KLHL31: variants seen among roughly 807,000 people sequenced by gnomAD.
The protein encoded by KLHL31 is kelch-like protein 31.
A neutral mutation model predicts 47.1 loss-of-function variants in KLHL31; 32 were observed. The observed-to-expected ratio is 0.68, with a 90% CI of 0.51 to 0.91. The LOEUF is 0.91. KLHL31 is among the 40% of genes least tolerant of loss of function. The pLI is 0.00. For synonymous variants in KLHL31, 330 were observed against 325.1 expected, an observed-to-expected ratio of 1.01 and a Z score of -0.16; for missense variants, 797 against 819.3, an observed-to-expected ratio of 0.97 and a Z score of 0.33.
intron 1 of KLHL31, among the ~76,000 whole-genome samples, chr6:53,660,181 C>A (rs979250782): frequency 1.3e-5 from 2 of 151,806 alleles, no homozygotes; most frequent in African/African-American, 2.4e-5. Flanking sequence ...ATCAGAGTAG[C>A]CTTTGTAGAA....
Position 53,654,636 on chromosome 6 carries a change from A to C in KLHL31, c.637T>G (p.Phe213Val). ...ATAAGAAGTTCATTAATTTGTTCAA[A>C]TGTAAGTTTCATAAACTGATCCGAT... The part of the protein sequence containing the change: ...AESDQFMKLT[F>V]EQINELLIDD... Residue 213 changes from phenylalanine to valine, a missense_variant, in exon 2 of 3, where the codon TTT (phenylalanine) becomes GTT (valine). Coordinates refer to ENST00000370905, the MANE Select transcript of KLHL31 (RefSeq NM_001003760.5). 6.2e-7 allele frequency: 1 copy of C among 1,614,168 alleles called. No homozygotes were observed. The highest frequency in any genetic ancestry group is 8.5e-7 in the Non-Finnish European group (1 of 1,180,018).
In KLHL31 at chr6:53,649,890, C is replaced by T. The variant is rs186236705; in HGVS notation, c.*1708G>A. 2.0e-5 allele frequency: 3 copies of T among 152,284 alleles called. No homozygotes were observed. In the East Asian group the frequency reaches 5.8e-4, roughly 29 times the overall value. 9.4% of individuals were successfully genotyped at this position (152,284 alleles called of 1,614,324 possible). A position where few individuals can be genotyped will look rare whatever the true frequency, so the allele number is the denominator to read the frequency against. Reference sequence around the variant, plus strand: ...ATAAGGAAACAGCCCAGCGCTTTTACATTAATAATATCTTGTTCTTAATTT... The same window carrying T: ...ATAAGGAAACAGCCCAGCGCTTTTATATTAATAATATCTTGTTCTTAATTT... On this transcript the variant is annotated 3_prime_UTR_variant, in exon 3 of 3. Coordinates refer to ENST00000370905, the MANE Select transcript of KLHL31 (RefSeq NM_001003760.5).
chr6:53,664,389 T>C (rs1417126223), intron 1 of KLHL31, among the ~76,000 whole-genome samples: 3 of 152,226 alleles, frequency 2.0e-5, no homozygotes, highest in Non-Finnish European at 4.4e-5. Flanking sequence ...TGAAACATAC[T>C]GTGTGCATAT....
rs1171084736 is a variant in KLHL31, at chr6:53,654,861, A to G, written c.412T>C (p.Tyr138His). ...AYTGKLTLSL[Y>H]TIGSIISAAV... ...GCAGAAATAATGCTTCCTATTGTATACAAGGAGAGAGTGAGCTTTCCAGTG... is the reference window on the plus strand; with the variant it reads ...GCAGAAATAATGCTTCCTATTGTATGCAAGGAGAGAGTGAGCTTTCCAGTG... The change falls in exon 2 of 3, where the codon TAT becomes CAT. Residue 138 changes from tyrosine (Y) to histidine (H), a missense_variant. Tyr to His is a moderately conservative substitution (Grantham distance 83, BLOSUM62 2). Coordinates refer to ENST00000370905, the MANE Select transcript of KLHL31 (RefSeq NM_001003760.5). 2 of 1,614,198 alleles carry G rather than the reference A, an allele frequency of 1.2e-6. No homozygotes were observed. The highest frequency in any genetic ancestry group is 1.3e-5 in the African/African-American group (1 of 75,070).
rs1005457102 is a variant in KLHL31, at chr6:53,661,409, A to C, written c.-34+4192T>G. ...CATCACACTGGGTGCAAACAAACACACACCCACCCAGACACACAGCATGCC... is the reference window on the plus strand; with the variant it reads ...CATCACACTGGGTGCAAACAAACACCCACCCACCCAGACACACAGCATGCC... On this transcript the variant is annotated intron_variant, in intron 1 of 2. Coordinates refer to ENST00000370905, the MANE Select transcript of KLHL31 (RefSeq NM_001003760.5). Among the ~76,000 whole-genome samples the C allele has an allele frequency of 2.1e-4, 32 of 152,096 alleles. 1 individual carries two copies. The highest frequency in any genetic ancestry group is 7.2e-4 in the African/African-American group (30 of 41,398).
chr6:53,651,932 C>T lies in KLHL31; in HGVS notation c.1571G>A (p.Gly524Glu), dbSNP rs754663625. The change falls in exon 3 of 3, where the codon GGG becomes GAG. Residue 524 changes from glycine to glutamate, a missense_variant. By Grantham distance (98) the Gly-to-Glu change is moderately conservative. Coordinates refer to ENST00000370905, the MANE Select transcript of KLHL31 (RefSeq NM_001003760.5). ...RVYVMGGSQLGPRGERVDVLT... is the reference protein window; with the variant it reads ...RVYVMGGSQLEPRGERVDVLT... ...CACGTCCACGCGCTCCCCGCGCGGC[C>T]CCAGCTGGCTGCCGCCCATCACGTA... 1 of 1,589,446 alleles carries T rather than the reference C, an allele frequency of 6.3e-7. No homozygotes were observed. The highest frequency in any genetic ancestry group is 1.1e-5 in the South Asian group (1 of 89,638).
chr6:53,656,488 A>G (rs1266510215), intron 1 of KLHL31, among the ~76,000 whole-genome samples: 1 of 152,128 alleles, frequency 6.6e-6, no homozygotes, highest in Non-Finnish European at 1.5e-5. Context: ...AAACCCATAT[A>G]TGTATATGTG....
rs149456029 is a variant in KLHL31 at position 53,657,223 on chromosome 6, G to A, written c.-33-1918C>T. 1.5e-4 allele frequency among the ~76,000 whole-genome samples: 23 copies of A among 152,254 alleles called. No individual in the cohort carries two copies. In the East Asian group the frequency reaches 4.2e-3, roughly 28 times the overall value. ...CAAAGTGCTAGGATTACAGGCATGA[G>A]CCACCTTGCCCAGCCTAATCTGATG... is the stretch of plus-strand genomic sequence containing the variant. On this transcript the variant is annotated intron_variant, in intron 1 of 2. Coordinates refer to ENST00000370905, the MANE Select transcript of KLHL31 (RefSeq NM_001003760.5).
intron 1 of KLHL31, among the ~76,000 whole-genome samples, chr6:53,658,800 G>A (rs1764608505): frequency 6.6e-6 from 1 of 151,930 alleles, no homozygotes; most frequent in South Asian, 2.1e-4. Context: ...AATTATCCAT[G>A]AGTCAAAAAA....
rs1465928739 is a variant in KLHL31, at chr6:53,654,302, C to T, written c.971G>A (p.Arg324His). ...GCRVLVTVGG[R>H]PGLTEKSLSR... ...AAGGGACTTCTCAGTAAGGCCTGGG[C>T]GTCCCCCAACAGTGACGAGGACTCG... Residue 324 changes from arginine to histidine, a missense_variant, in exon 2 of 3, where the codon CGC becomes CAC. Arg to His is a conservative substitution (Grantham distance 29). Coordinates refer to ENST00000370905, the MANE Select transcript of KLHL31 (RefSeq NM_001003760.5). 8 of 1,614,164 alleles carry T rather than the reference C, an allele frequency of 5.0e-6. No homozygotes were observed. The highest frequency in any genetic ancestry group is 5.1e-6 in the Non-Finnish European group (6 of 1,180,012).
rs763743685 is a variant in KLHL31 at position 53,655,299 on chromosome 6, G to C, written c.-27C>G. The C allele has an allele frequency of 7.0e-7, 1 of 1,430,686 alleles. No homozygotes were observed. Among genetic ancestry groups the C allele is most frequent in the South Asian group, 1.5e-5 (1 of 66,898 alleles). 88.6% of individuals were successfully genotyped at this position (1,430,686 alleles called of 1,614,324 possible). ...TTGGCAAATACACTGTTACAGGCAA[G>C]AGCTTGCTAAAAAGAGAAAAAAAAA... On this transcript the variant is annotated 5_prime_UTR_variant, in exon 2 of 3. Coordinates refer to ENST00000370905, the MANE Select transcript of KLHL31 (RefSeq NM_001003760.5).
rs992194602 is a variant in KLHL31, at chr6:53,650,201, T to C, written c.*1397A>G. On this transcript the variant is annotated 3_prime_UTR_variant, in exon 3 of 3. Coordinates refer to ENST00000370905, the MANE Select transcript of KLHL31 (RefSeq NM_001003760.5). ...AAATCCAATTGCACATAACCCATAA[T>C]TGATAGGCCACTTCCTCTCCAAAAC... 7 of 152,332 alleles carry C rather than the reference T, an allele frequency of 4.6e-5. No individual in the cohort carries two copies. Among genetic ancestry groups the C allele is most frequent in the African/African-American group, 1.7e-4 (7 of 41,578 alleles). 9.4% of individuals were successfully genotyped at this position (152,332 alleles called of 1,614,324 possible).
chr6:53,651,419 A>AAAAAAAAAAAAAAAAAAAAT lies in KLHL31; in HGVS notation c.*178_*179insATTTTTTTTTTTTTTTTTTT. On this transcript the variant is annotated 3_prime_UTR_variant, in exon 3 of 3. Coordinates refer to ENST00000370905, the MANE Select transcript of KLHL31 (RefSeq NM_001003760.5). The stretch of plus-strand genomic sequence containing the variant: ...TTTGCTAAAAAAAAAAAAAAAAAAA[A>AAAAAAAAAAAAAAAAAAAAT]GAGGTAGATTATGCCATACCAGGAA... 2.8e-6 allele frequency: 1 copy of AAAAAAAAAAAAAAAAAAAAT among 358,178 alleles called. No homozygotes were observed. Among genetic ancestry groups the AAAAAAAAAAAAAAAAAAAAT allele is most frequent in the Non-Finnish European group, 5.0e-6 (1 of 201,500 alleles). The allele number at this position is 358,178 out of a possible 1,614,324, so 22.2% of individuals were successfully genotyped here.
At chr6:53,664,448 A>G (rs1034977114) in intron 1 of KLHL31, among the ~76,000 whole-genome samples, 4 of 152,214 alleles carry the variant, frequency 2.6e-5, no homozygotes, top group African/African-American at 9.7e-5. Context: ...CATGAGATCC[A>G]TAACCCGAAA....
chr6:53,661,197 A>T (rs1209383427), intron 1 of KLHL31, among the ~76,000 whole-genome samples: 1 of 152,170 alleles, frequency 6.6e-6, no homozygotes, highest in East Asian at 1.9e-4. Flanking sequence ...ACTTAAGGAG[A>T]ACCGTAGTCT....
intron 1 of KLHL31, among the ~76,000 whole-genome samples, chr6:53,655,548 A>G (rs773076430): frequency 2.0e-5 from 3 of 151,864 alleles, no homozygotes; most frequent in Non-Finnish European, 4.4e-5. Flanking sequence ...CCATAACTGT[A>G]TTGCCAAGTA....
intron 1 of KLHL31, among the ~76,000 whole-genome samples, chr6:53,657,610 T>TTTTGTG (rs143174954): frequency 7.2e-6 from 1 of 138,722 alleles, no homozygotes; most frequent in Non-Finnish European, 1.5e-5. Flanking sequence ...TGTTTTTGTT[T>TTTTGTG]TGTGTGTGTG....
rs1764531104 is a variant in KLHL31 at position 53,654,769 on chromosome 6, A to T, written c.504T>A (p.Ser168Arg). 1 of 1,613,904 alleles carries T rather than the reference A, an allele frequency of 6.2e-7. No individual in the cohort carries two copies. The highest frequency in any genetic ancestry group is 8.5e-7 in the Non-Finnish European group (1 of 1,180,034). ...TAACAACATACATGCAATTCTCAAC[A>T]CTCATCTCCCGTATCAGAAAATCAC... ...MCSDFLIREM[S>R]VENCMYVVNI... The change falls in exon 2 of 3, where the codon AGT becomes AGA. Residue 168 changes from serine (S) to arginine (R), a missense_variant. By Grantham distance (110) the Ser-to-Arg change is moderately radical (BLOSUM62 -1). Coordinates refer to ENST00000370905, the MANE Select transcript of KLHL31 (RefSeq NM_001003760.5).
chr6:53,652,808 A>AC (rs1764496884), intron 2 of KLHL31, among the ~76,000 whole-genome samples: 1 of 152,170 alleles, frequency 6.6e-6, no homozygotes, highest in African/African-American at 2.4e-5. Flanking sequence ...GTCACAGTTT[A>AC]AGATACGAAT....
Sources: gnomAD v4.1 joint callset for allele counts (sites outside exome capture counted in the v4.1 genomes callset) on GRCh38, gnomAD v4.1.1 for gene constraint, MANE v1.5 for transcripts, NCBI Gene and HGNC (gene_info 2026-07-23, HGNC 2026-07-21) for gene names.